Variants in GNA14 observed in about 807,000 individuals in gnomAD.
GNA14 encodes the protein G protein subunit alpha 14.
Under a neutral mutation model 42.0 loss-of-function variants are expected in GNA14, and 50 were observed. That is an observed-to-expected ratio of 1.19 (90% CI 0.95 to 1.51). GNA14 has a LOEUF of 1.51. Among genes scored for constraint, GNA14 ranks in the 40% most tolerant of loss-of-function variants. The pLI is 0.00. For synonymous variants in GNA14, 173 were observed against 163.1 expected, an observed-to-expected ratio of 1.06 and a Z score of -0.46; for missense variants, 473 against 446.2, an observed-to-expected ratio of 1.06 and a Z score of -0.54.
At chr9:77,448,746 G>A (rs908626894) in intron 2 of GNA14, among the ~76,000 whole-genome samples, 5 of 152,294 alleles carry the variant, frequency 3.3e-5, no homozygotes, top group East Asian at 3.9e-4. Context: ...CGAGGTAGAC[G>A]TATGCAACTA....
intron 1 of GNA14, among the ~76,000 whole-genome samples, chr9:77,542,583 G>A (rs983065090): frequency 7.9e-5 from 12 of 152,180 alleles, no homozygotes; most frequent in African/African-American, 2.9e-4. Flanking sequence ...CAGACCACTG[G>A]GCAGCAGGTA....
At chr9:77,497,766 T>A (rs1836895472) in intron 2 of GNA14, among the ~76,000 whole-genome samples, 2 of 152,208 alleles carry the variant, frequency 1.3e-5, no homozygotes, top group African/African-American at 4.8e-5. Context: ...CATATTTATA[T>A]ACATATGTAC....
intron 2 of GNA14, among the ~76,000 whole-genome samples, chr9:77,474,887 T>G (rs1254777207): frequency 6.6e-6 from 1 of 151,934 alleles, no homozygotes; most frequent in African/African-American, 2.4e-5. Flanking sequence ...AGTGAAAAAA[T>G]CCAGTCACGA....
At chr9:77,566,145 C>CTTTTTTTTTTT in intron 1 of GNA14, among the ~76,000 whole-genome samples, 1 of 102,496 alleles carries the variant, frequency 9.8e-6, no homozygotes, top group Non-Finnish European at 1.9e-5. Flanking sequence ...GGGAGTGCTT[C>CTTTTTTTTTTT]TTTTTTTTTT....
Position 77,424,144 on chromosome 9 carries a change from G to A in GNA14, c.903C>T (p.Ala301=). The A allele has an allele frequency of 3.1e-6, 5 of 1,611,162 alleles. No individual in the cohort carries two copies. The highest frequency in any genetic ancestry group is 1.3e-5 in the African/African-American group (1 of 74,954). The change falls in exon 7 of 7, where the codon GCC becomes GCT. Residue 301 remains alanine, a synonymous_variant. Transcript: ENST00000341700. Reference sequence around the variant, plus strand: ...GGTAAAGCTTCAGGATAAAGTCTCTGGCAGCTCTGACATCCTGTTTCGGTC... The same window carrying A: ...GGTAAAGCTTCAGGATAAAGTCTCTAGCAGCTCTGACATCCTGTTTCGGTC... ...YTGPKQDVRA[A]RDFILKLYQD...
chr9:77,514,359 AT>A (rs2131752829), intron 2 of GNA14, among the ~76,000 whole-genome samples: 1 of 152,250 alleles, frequency 6.6e-6, no homozygotes, highest in Admixed American at 6.5e-5. Context: ...TGGGTTCATA[AT>A]ATTGTCTTCA....
At chr9:77,486,683 T>G (rs1238221826) in intron 2 of GNA14, among the ~76,000 whole-genome samples, 1 of 152,204 alleles carries the variant, frequency 6.6e-6, no homozygotes, top group Admixed American at 6.5e-5. Context: ...TTGGCCTAAT[T>G]TCAATACTAC....
At chr9:77,522,636 G>A (rs979337770) in intron 2 of GNA14, among the ~76,000 whole-genome samples, 1 of 152,074 alleles carries the variant, frequency 6.6e-6, no homozygotes. Context: ...AGTGGTTCTC[G>A]ACCCTGGCTG....
chr9:77,522,732 G>A (rs892642898), intron 2 of GNA14, among the ~76,000 whole-genome samples: 1 of 152,130 alleles, frequency 6.6e-6, no homozygotes, highest in African/African-American at 2.4e-5. Flanking sequence ...AGCCTGTGGG[G>A]GTGATACTCT....
chr9:77,507,525 G>A (rs569157313), intron 2 of GNA14, among the ~76,000 whole-genome samples: 70 of 152,120 alleles, frequency 4.6e-4, no homozygotes, highest in African/African-American at 1.6e-3. Flanking sequence ...CTGAACCCCC[G>A]AGCATCACAA....
intron 1 of GNA14, among the ~76,000 whole-genome samples, chr9:77,532,736 C>T (rs1300332233): frequency 6.6e-6 from 1 of 152,174 alleles, no homozygotes; most frequent in African/African-American, 2.4e-5. Flanking sequence ...CATGCGTCCG[C>T]TCTGCCTTGT....
intron 2 of GNA14, among the ~76,000 whole-genome samples, chr9:77,446,983 A>T (rs1236643351): frequency 3.5e-5 from 5 of 144,894 alleles, no homozygotes; most frequent in Admixed American, 2.1e-4. Flanking sequence ...TTTTTTTTTG[A>T]GACGGAGTTT....
At chr9:77,493,046 T>TATATATATATATATATATATA (rs1564030867) in intron 2 of GNA14, among the ~76,000 whole-genome samples, 11 of 136,598 alleles carry the variant, frequency 8.1e-5, no homozygotes, top group African/African-American at 1.1e-4. Context: ...TATATATATA[T>TATATATATATATATATATATA]TTGGGAGATG....
At chr9:77,507,984 C>CT (rs1837098368) in intron 2 of GNA14, among the ~76,000 whole-genome samples, 1 of 152,198 alleles carries the variant, frequency 6.6e-6, no homozygotes, top group South Asian at 2.1e-4. Context: ...TCCCAAAGTG[C>CT]TGGGATTACA....
chr9:77,424,641 A>G (rs1345171586), intron 6 of GNA14, among the ~76,000 whole-genome samples: 1 of 152,196 alleles, frequency 6.6e-6, no homozygotes, highest in African/African-American at 2.4e-5. Flanking sequence ...TCATGAACCC[A>G]TAAAATAGTC....
chr9:77,635,715 A>G (rs1316727824), intron 1 of GNA14, among the ~76,000 whole-genome samples: 1 of 152,178 alleles, frequency 6.6e-6, no homozygotes, highest in Non-Finnish European at 1.5e-5. Context: ...TTTCAAATCA[A>G]TGGCATATCT....
chr9:77,432,417 T>A (rs73454050), intron 3 of GNA14, among the ~76,000 whole-genome samples: 2,182 of 152,312 alleles, frequency 0.014, 26 homozygotes, highest in African/African-American at 0.035. Context: ...TGTACTTTGA[T>A]GTGTAATTAT....
chr9:77,546,215 CAAAAAAAAAAAA>C (rs764378681), intron 1 of GNA14, among the ~76,000 whole-genome samples: 1 of 42,914 alleles, frequency 2.3e-5, no homozygotes, highest in African/African-American at 6.8e-5. Flanking sequence ...AGCTCCATCT[CAAAAAAAAAAAA>C]AAAAAAAAAA....
chr9:77,485,822 C>T (rs781185446), intron 2 of GNA14, among the ~76,000 whole-genome samples: 1 of 152,164 alleles, frequency 6.6e-6, no homozygotes, highest in Non-Finnish European at 1.5e-5. Flanking sequence ...TAGGTCTCCA[C>T]AGTAGGCTTA....
Sources: allele counts gnomAD v4.1 joint callset (sites outside exome capture counted in the v4.1 genomes callset), GRCh38; gene constraint gnomAD v4.1.1; transcripts MANE v1.5; gene names NCBI Gene and HGNC (gene_info 2026-07-23, HGNC 2026-07-21).